The following MAP2 variants were observed in gnomAD, a reference collection of about 807,000 sequenced individuals.
MAP2 encodes the protein microtubule associated protein 2.
Under a neutral mutation model 137.6 loss-of-function variants are expected in MAP2, and 14 were observed. The observed-to-expected ratio is 0.10, with a 90% CI of 0.07 to 0.16. The LOEUF (loss-of-function observed/expected upper bound fraction) is 0.16, where lower values mean the gene tolerates loss of function less well. MAP2 is among the 10% of genes least tolerant of loss of function. MAP2 has a pLI of 1.00. For synonymous variants in MAP2, 786 were observed against 782.3 expected, an observed-to-expected ratio of 1.00 and a Z score of -0.08; for missense variants, 2,088 against 2,191.5, an observed-to-expected ratio of 0.95 and a Z score of 0.94.
chr2:209,696,133 G>A lies in MAP2; in HGVS notation c.3963G>A (p.Arg1321=). Residue 1321 remains arginine, a synonymous_variant, in exon 8 of 16, where the codon AGG becomes AGA. Coordinates refer to ENST00000682079, the MANE Select transcript of MAP2 (RefSeq NM_001375505.1). ...FAALEQPEVE[R]RPSPHDEEEF... The stretch of plus-strand genomic sequence containing the variant: ...CCCTAGAGCAGCCTGAGGTGGAAAG[G>A]AGACCATCTCCTCATGATGAAGAAG... 1 of 1,613,376 alleles carries A rather than the reference G, an allele frequency of 6.2e-7. No homozygotes were observed. The highest frequency in any genetic ancestry group is 1.1e-5 in the South Asian group (1 of 90,936).
chr2:209,468,850 G>C (rs1311349281), intron 1 of MAP2, among the ~76,000 whole-genome samples: 5 of 152,144 alleles, frequency 3.3e-5, no homozygotes, highest in African/African-American at 9.7e-5. Flanking sequence ...TGAGGAAACA[G>C]GAGGCAGAGG....
chr2:209,610,668 A>G (rs543683714), intron 3 of MAP2, among the ~76,000 whole-genome samples: 1 of 152,150 alleles, frequency 6.6e-6, no homozygotes, highest in African/African-American at 2.4e-5. Flanking sequence ...GTGAAGAACT[A>G]TTCTTTCCAG....
At chr2:209,562,312 T>G (rs2072304142) in intron 2 of MAP2, among the ~76,000 whole-genome samples, 1 of 151,978 alleles carries the variant, frequency 6.6e-6, no homozygotes, top group African/African-American at 2.4e-5. Context: ...ATCTTGTAAT[T>G]TAAGAGGGTA....
In MAP2 at chr2:209,695,629, A is replaced by G; in HGVS notation, c.3459A>G (p.Glu1153=). 1 of 1,614,052 alleles carries G rather than the reference A, an allele frequency of 6.2e-7. No homozygotes were observed. The highest frequency in any genetic ancestry group is 8.5e-7 in the Non-Finnish European group (1 of 1,179,988). ...ESLKADEGKK[E]TSPESSLIQD... ...TGAAAGCTGATGAGGGCAAGAAGGA[A>G]ACATCTCCAGAATCATCTCTAATTC... The change falls in exon 8 of 16, where the codon GAA becomes GAG. Residue 1153 remains glutamate, a synonymous_variant. Transcript: ENST00000682079.
intron 13 of MAP2, among the ~76,000 whole-genome samples, chr2:209,716,349 T>A (rs2067617363): frequency 1.3e-5 from 2 of 152,226 alleles, no homozygotes; most frequent in Admixed American, 6.5e-5. Flanking sequence ...ATTCTTTTAG[T>A]GACACCGTTG....
In MAP2 at chr2:209,430,342, CA is replaced by C. The variant is rs563786490; in HGVS notation, c.-222+6068del. On this transcript the variant is annotated intron_variant, in intron 1 of 15. Transcript: ENST00000682079. ...CTAATTTTGTCTACCTGGTGTTTCA[CA>C]AGGGCTAACATGATGGTGGCAGTGG... Among the ~76,000 whole-genome samples, 5 of 151,876 alleles carry C rather than the reference CA, an allele frequency of 3.3e-5. No individual in the cohort carries two copies. The South Asian group carries it at 8.3e-4, about 25-fold the overall frequency.
intron 2 of MAP2, among the ~76,000 whole-genome samples, chr2:209,572,262 A>G (rs1233264647): frequency 1.3e-5 from 2 of 152,088 alleles, no homozygotes; most frequent in Non-Finnish European, 2.9e-5. Flanking sequence ...TTCTCATTGC[A>G]GTACAACTCT....
intron 2 of MAP2, among the ~76,000 whole-genome samples, chr2:209,545,179 C>T (rs762569013): frequency 2.0e-5 from 3 of 152,098 alleles, no homozygotes; most frequent in Non-Finnish European, 4.4e-5. Context: ...TATGCTCTAC[C>T]ACTTACTGAA....
At chr2:209,675,538 AT>A (rs1040409806) in intron 5 of MAP2, among the ~76,000 whole-genome samples, 1 of 151,802 alleles carries the variant, frequency 6.6e-6, no homozygotes, top group African/African-American at 2.4e-5. Context: ...TGTTTCAATG[AT>A]TTTCAAAGTC....
At chr2:209,598,426 ATTTAT>A (rs1250557042) in intron 3 of MAP2, among the ~76,000 whole-genome samples, 1 of 151,280 alleles carries the variant, frequency 6.6e-6, no homozygotes, top group Non-Finnish European at 1.5e-5. Flanking sequence ...TATTTTATTT[ATTTAT>A]TTTATTTTTT....
intron 13 of MAP2, among the ~76,000 whole-genome samples, chr2:209,711,410 C>T (rs2065415016): frequency 6.6e-6 from 1 of 152,140 alleles, no homozygotes; most frequent in African/African-American, 2.4e-5. Flanking sequence ...CTCTTTATGG[C>T]TCTGTAAGGG....
chr2:209,478,467 A>G (rs1435975019), intron 1 of MAP2, among the ~76,000 whole-genome samples: 2 of 152,238 alleles, frequency 1.3e-5, no homozygotes, highest in African/African-American at 4.8e-5. Flanking sequence ...TACTACTGCC[A>G]AGTTGAAAAT....
intron 7 of MAP2, chr2:209,684,713 CAAGGTGTAT>C (rs1559552245): frequency 1.3e-5 from 2 of 152,022 alleles, no homozygotes; most frequent in South Asian, 4.2e-4. Context: ...TGCAAAAGTC[CAAGGTGTAT>C]AAGGTTACCC....
intron 3 of MAP2, among the ~76,000 whole-genome samples, chr2:209,596,379 A>G (rs1196173744): frequency 6.6e-6 from 1 of 152,250 alleles, no homozygotes; most frequent in East Asian, 1.9e-4. Flanking sequence ...AGCATGATGC[A>G]TCTACAATTA....
At chr2:209,509,214 T>C (rs982644403) in intron 2 of MAP2, among the ~76,000 whole-genome samples, 1 of 151,844 alleles carries the variant, frequency 6.6e-6, no homozygotes, top group African/African-American at 2.4e-5. Context: ...GAAAGAAAAC[T>C]GAAAAGAAAA....
intron 12 of MAP2, among the ~76,000 whole-genome samples, chr2:209,705,982 A>G (rs1448640313): frequency 6.6e-6 from 1 of 152,160 alleles, no homozygotes; most frequent in Admixed American, 6.6e-5. Flanking sequence ...CTAAGAATAT[A>G]TTTTTCTTTT....
chr2:209,438,916 T>G (rs1010082728), intron 1 of MAP2, among the ~76,000 whole-genome samples: 7 of 151,134 alleles, frequency 4.6e-5, no homozygotes, highest in African/African-American at 1.7e-4. Context: ...TATAATATAA[T>G]CTAATAATAG....
rs1434823902 is a variant in MAP2 at position 209,476,876 on chromosome 2, A to AT, written c.-221-30709dup. On this transcript the variant is annotated intron_variant, in intron 1 of 15. Coordinates refer to ENST00000682079, the MANE Select transcript of MAP2 (RefSeq NM_001375505.1). ...CTCTTTGGAAAAAAAATAAAAACAG[A>AT]TTTTTTTATTCTGCACATGTAAAGG... Among the ~76,000 whole-genome samples, 4 of 152,134 alleles carry AT rather than the reference A, an allele frequency of 2.6e-5. 1 individual carries two copies. Among genetic ancestry groups the AT allele is most frequent in the African/African-American group, 7.2e-5 (3 of 41,408 alleles).
chr2:209,696,432 C>G, intron 8 of MAP2, 82 bp downstream of exon 8: 1 of 1,467,228 alleles, frequency 6.8e-7, no homozygotes, highest in Non-Finnish European at 9.1e-7. Context: ...TTTTAAAATA[C>G]CTCTTTATCT....
Sources: allele counts gnomAD v4.1 joint callset (sites outside exome capture counted in the v4.1 genomes callset), GRCh38; gene constraint gnomAD v4.1.1; transcripts MANE v1.5; gene names NCBI Gene and HGNC (gene_info 2026-07-23, HGNC 2026-07-21).